Variants in HECW2 observed in about 807,000 individuals in gnomAD.
HECW2 encodes the protein E3 ubiquitin-protein ligase HECW2.
Under a neutral mutation model 175.2 loss-of-function variants are expected in HECW2, and 61 were observed. The ratio of observed to expected loss-of-function variants is 0.35; its 90% confidence interval spans 0.28 to 0.43. The LOEUF is 0.43. Ranked by LOEUF, HECW2 falls within the 20% of genes least tolerant of loss-of-function variation. The pLI, the probability that HECW2 is intolerant of heterozygous loss-of-function variation, is 1.00. For synonymous variants in HECW2, 671 were observed against 731.0 expected, an observed-to-expected ratio of 0.92 and a Z score of 1.32; for missense variants, 1,524 against 2,000.5, an observed-to-expected ratio of 0.76 and a Z score of 4.54.
intron 1 of HECW2, among the ~76,000 whole-genome samples, chr2:196,458,554 T>G (rs60584553): frequency 0.011 from 1,641 of 152,158 alleles, 34 homozygotes; most frequent in African/African-American, 0.037. Flanking sequence ...GATGGAAAAC[T>G]GTGAAACCAG....
At chr2:196,244,629 G>C (rs762480126) in intron 19 of HECW2, among the ~76,000 whole-genome samples, 1 of 152,184 alleles carries the variant, frequency 6.6e-6, no homozygotes, top group Non-Finnish European at 1.5e-5. Flanking sequence ...AAAAAGAAAT[G>C]AGTATAAGTA....
rs188605416 is a variant in HECW2 at position 196,371,996 on chromosome 2, T to C, written c.293-28232A>G. ...GTAAAGTAGTACTTTTTCACTTTTA[T>C]TTTTCTTTTAATTTTCAAAGAGACC... On this transcript the variant is annotated intron_variant, in intron 2 of 28. Coordinates refer to ENST00000644978, the MANE Select transcript of HECW2 (RefSeq NM_001348768.2). Among the ~76,000 whole-genome samples the C allele has an allele frequency of 5.9e-5, 9 of 152,350 alleles. No individual in the cohort carries two copies. In the East Asian group the frequency reaches 1.2e-3, roughly 20 times the overall value.
chr2:196,407,749 C>G (rs572638177), intron 2 of HECW2, among the ~76,000 whole-genome samples: 1 of 152,324 alleles, frequency 6.6e-6, no homozygotes, highest in African/African-American at 2.4e-5. Flanking sequence ...ACTTAGAAGA[C>G]TATACTGAAG....
At chr2:196,502,579 C>T (rs1054721835) in intron 1 of HECW2, among the ~76,000 whole-genome samples, 9 of 152,188 alleles carry the variant, frequency 5.9e-5, no homozygotes, top group Non-Finnish European at 1.0e-4. Flanking sequence ...TATACATATT[C>T]GTACTCCAAT....
At position 196,375,705 on chromosome 2, in the gene HECW2, A is replaced by G. The variant is rs550140438; in HGVS notation, c.293-31941T>C. Among the ~76,000 whole-genome samples the G allele has an allele frequency of 9.8e-5, 15 of 152,364 alleles. No individual in the cohort carries two copies. The South Asian group carries it at 3.1e-3, about 32-fold the overall frequency. ...ATCATGCAATGGCTAGGAAAAAGGA[A>G]TCAAACATGAGAGGTGGGAAAACGT... On this transcript the variant is annotated intron_variant, in intron 2 of 28. Coordinates refer to ENST00000644978, the MANE Select transcript of HECW2 (RefSeq NM_001348768.2).
At position 196,319,873 on chromosome 2, in the gene HECW2, A is replaced by C; in HGVS notation, c.1017T>G (p.Leu339=). 1 of 1,611,532 alleles carries C rather than the reference A, an allele frequency of 6.2e-7. No homozygotes were observed. Among genetic ancestry groups the C allele is most frequent in the Non-Finnish European group, 8.5e-7 (1 of 1,177,988 alleles). Residue 339 remains leucine, a synonymous_variant, in exon 9 of 29, where the codon CTT becomes CTG. Coordinates refer to ENST00000644978, the MANE Select transcript of HECW2 (RefSeq NM_001348768.2). The part of the protein sequence containing the change: ...DASPEAVGTI[L]GVNSVNGDLG... The stretch of plus-strand genomic sequence containing the variant: ...AGTCTCCATTCACAGAATTGACTCC[A>C]AGTATTGTGCCAACAGCTTCTGGAG...
In HECW2 at chr2:196,318,852, C is replaced by T. The variant is rs762015382; in HGVS notation, c.2038G>A (p.Glu680Lys). 5.2e-6 allele frequency: 8 copies of T among 1,551,234 alleles called. No individual in the cohort carries two copies. In the South Asian group the frequency reaches 6.3e-5, roughly 12 times the overall value. ...ETPAFSSQEE[E>K]DGACAAEPTS... Reference sequence around the variant, plus strand: ...GGCTCTGCTGCACAGGCTCCGTCTTCCTCCTCCTGAGAAGAAAAGGCTGGG... The same window carrying T: ...GGCTCTGCTGCACAGGCTCCGTCTTTCTCCTCCTGAGAAGAAAAGGCTGGG... Residue 680 changes from glutamate (E) to lysine (K), a missense_variant, in exon 9 of 29, where the codon GAA becomes AAA. Glu to Lys is a moderately conservative substitution (Grantham distance 56). Transcript: ENST00000644978.
At chr2:196,427,895 T>C (rs1193220448) in intron 2 of HECW2, among the ~76,000 whole-genome samples, 1 of 152,196 alleles carries the variant, frequency 6.6e-6, no homozygotes, top group African/African-American at 2.4e-5. Context: ...TTTTCAACTT[T>C]TTTCTTTGTA....
intron 22 of HECW2, 113 bp from the exon 23 acceptor site, chr2:196,225,983 A>G (rs1204631088): frequency 1.5e-6 from 1 of 662,814 alleles, no homozygotes; most frequent in African/African-American, 1.8e-5. Flanking sequence ...TCCAATATTA[A>G]TTGCCTACTA....
intron 2 of HECW2, among the ~76,000 whole-genome samples, chr2:196,345,644 A>G (rs1374319534): frequency 6.6e-6 from 1 of 152,184 alleles, no homozygotes; most frequent in Non-Finnish European, 1.5e-5. Context: ...TAGGAAAAAA[A>G]AATCCCATTT....
rs1265060496 is a variant in HECW2, at chr2:196,220,033, T to G, written c.4408+6A>C. 10 of 1,562,768 alleles carry G rather than the reference T, an allele frequency of 6.4e-6. No homozygotes were observed. The highest frequency in any genetic ancestry group is 8.8e-6 in the Non-Finnish European group (10 of 1,133,876). On this transcript the variant is annotated splice_donor_region_variant and intron_variant, in intron 26 of 28. Transcript: ENST00000644978. ...AAAATCTAGCCATCTATAAATCAAA[T>G]TTCACCTCCTCTATATTCTGTGTTG... is the stretch of plus-strand genomic sequence containing the variant.
intron 26 of HECW2, chr2:196,217,882 C>T (rs923126657): frequency 2.0e-5 from 3 of 152,218 alleles, no homozygotes; most frequent in Non-Finnish European, 2.9e-5. Flanking sequence ...TTAATGGGCA[C>T]TGAGTTAGTA....
At chr2:196,207,328 T>C (rs1490090359) in intron 28 of HECW2, among the ~76,000 whole-genome samples, 4 of 152,212 alleles carry the variant, frequency 2.6e-5, no homozygotes, top group Admixed American at 1.3e-4. Context: ...TCGAATTCCA[T>C]TAAAGGAATC....
intron 18 of HECW2, among the ~76,000 whole-genome samples, chr2:196,256,592 A>G (rs1018410797): frequency 6.6e-6 from 1 of 152,258 alleles, no homozygotes; most frequent in Admixed American, 6.5e-5. Flanking sequence ...TTCTTAGTTT[A>G]AAAGAAAAAA....
rs1040316691 is a variant in HECW2, at chr2:196,221,423, A to G, written c.4147-482T>C. Among the ~76,000 whole-genome samples the G allele has an allele frequency of 6.6e-5, 10 of 152,344 alleles. No individual in the cohort carries two copies. The East Asian group carries it at 1.7e-3, about 26-fold the overall frequency. On this transcript the variant is annotated intron_variant, in intron 24 of 28. Transcript: ENST00000644978. ...AAGAATATTAATTATAAACTGGTAT[A>G]TAATTTCTGGAAGAAACGTTTTCCC...
chr2:196,418,273 C>T (rs930902206), intron 2 of HECW2, among the ~76,000 whole-genome samples: 2 of 152,030 alleles, frequency 1.3e-5, no homozygotes, highest in Non-Finnish European at 1.5e-5. Flanking sequence ...GGACTACAGG[C>T]GCCTGCCACC....
At chr2:196,556,613 T>C (rs1223583061) in intron 1 of HECW2, among the ~76,000 whole-genome samples, 1 of 152,198 alleles carries the variant, frequency 6.6e-6, no homozygotes, top group Non-Finnish European at 1.5e-5. Context: ...AAGCTCCAAA[T>C]GTGTAAGGTA....
chr2:196,408,735 T>G (rs1035266465), intron 2 of HECW2, among the ~76,000 whole-genome samples: 5 of 152,208 alleles, frequency 3.3e-5, no homozygotes, highest in Non-Finnish European at 7.3e-5. Flanking sequence ...ATATCTCCCT[T>G]TAGCTTCCAT....
intron 2 of HECW2, among the ~76,000 whole-genome samples, chr2:196,369,342 G>GTCTCTCTC (rs71410611): frequency 0.017 from 2,224 of 131,402 alleles, 45 homozygotes; most frequent in African/African-American, 0.031. Flanking sequence ...AACAAATGGA[G>GTCTCTCTC]TCTCTCTCTC....
Sources: allele counts gnomAD v4.1 joint callset (sites outside exome capture counted in the v4.1 genomes callset), GRCh38; gene constraint gnomAD v4.1.1; transcripts MANE v1.5; gene names NCBI Gene and HGNC (gene_info 2026-07-23, HGNC 2026-07-21).